Variants in RBCK1 observed in about 807,000 individuals in gnomAD.
RBCK1 encodes ranBP-type and C3HC4-type zinc finger-containing protein 1.
In RBCK1, 44 loss-of-function variants were observed where a neutral mutation model predicts 71.1. The ratio of observed to expected loss-of-function variants is 0.62; its 90% CI spans 0.49 to 0.80. The LOEUF (loss-of-function observed/expected upper bound fraction) is 0.80, where lower values mean the gene tolerates loss of function less well. Among genes scored for constraint, RBCK1 ranks in the 30% least tolerant of loss-of-function variants. The probability of loss-of-function intolerance (pLI) is 0.00; values close to 1 mark genes in which losing one functional copy is unlikely to be tolerated. For missense variants in RBCK1, 569 were observed against 685.0 expected, an observed-to-expected ratio of 0.83 and a Z score of 1.89; for synonymous variants, 306 against 279.7, an observed-to-expected ratio of 1.09 and a Z score of -0.94.
At chr20:424,697 G>T (rs1329752378) in intron 8 of RBCK1, among the ~76,000 whole-genome samples, 1 of 152,180 alleles carries the variant, frequency 6.6e-6, no homozygotes, top group Non-Finnish European at 1.5e-5. Flanking sequence ...ATAGCCATTT[G>T]CTTAGAGGTT....
chr20:423,988 T>A (rs2016574705), intron 8 of RBCK1, among the ~76,000 whole-genome samples: 1 of 152,244 alleles, frequency 6.6e-6, no homozygotes, highest in African/African-American at 2.4e-5. Context: ...AGTGCATGTG[T>A]ACTTTCTAAG....
chr20:419,993 G>A (rs1215961029), intron 6 of RBCK1: 1 of 985,144 alleles, frequency 1.0e-6, no homozygotes, highest in East Asian at 1.1e-4. Flanking sequence ...CACGTGGGCT[G>A]TGGCTCCATC....
In RBCK1 at chr20:430,015, G is replaced by C. The variant is rs148460290; in HGVS notation, c.1453-335G>C. Among the ~76,000 whole-genome samples, 760 of 152,340 alleles carry C rather than the reference G, an allele frequency of 5.0e-3. 4 individuals are homozygous for C. The highest frequency in any genetic ancestry group is 0.017 in the African/African-American group (705 of 41,582). On this transcript the variant is annotated intron_variant, in intron 11 of 11. Transcript: ENST00000356286. The surrounding 1 kb of genome is among the most constrained non-coding windows in gnomAD (Gnocchi z 5.6). ...CAGATGGTAGCTGTCGTTATTAGGGGTGTGCTCTGGAATTGGGGGCCTGTT... is the reference window on the plus strand; with the variant it reads ...CAGATGGTAGCTGTCGTTATTAGGGCTGTGCTCTGGAATTGGGGGCCTGTT...
In RBCK1 at chr20:431,985, C is replaced by T. The variant is rs2017027299; in HGVS notation, c.*1555C>T. Among the ~76,000 whole-genome samples, 1 of 152,254 alleles carries T rather than the reference C, an allele frequency of 6.6e-6. No homozygotes were observed. The highest frequency in any genetic ancestry group is 1.5e-5 in the Non-Finnish European group (1 of 68,046). On this transcript the variant is annotated 3_prime_UTR_variant, in exon 12 of 12. Coordinates refer to ENST00000356286, the MANE Select transcript of RBCK1 (RefSeq NM_031229.4). The surrounding 1 kb of genome is among the most constrained non-coding windows in gnomAD (Gnocchi z 4.8). ...GCCTGGTGTCTCTCAGGAGCCTGGG[C>T]ATGAGACAAAAGCAGAGATTGTTCT...
chr20:418,400 G>A (rs377041529), intron 4 of RBCK1, among the ~76,000 whole-genome samples: 27 of 151,546 alleles, frequency 1.8e-4, no homozygotes, highest in East Asian at 3.9e-4. Flanking sequence ...ACGGAGTCTC[G>A]CTCTGTCGCC....
intron 2 of RBCK1, among the ~76,000 whole-genome samples, chr20:415,355 TGA>T (rs1006330093): frequency 1.5e-5 from 2 of 134,612 alleles, no homozygotes; most frequent in African/African-American, 5.8e-5. Context: ...GTGACAGAAG[TGA>T]GACCCTGTCT....
In RBCK1 at chr20:431,661, G is replaced by A. The variant is rs559459678; in HGVS notation, c.*1231G>A. Among the ~76,000 whole-genome samples, 30 of 152,320 alleles carry A rather than the reference G, an allele frequency of 2.0e-4. No homozygotes were observed. The highest frequency in any genetic ancestry group is 6.0e-4 in the African/African-American group (25 of 41,574). ...AACTGGAAAGGCACTGCCACCTGCC[G>A]TTGGATGCCAGGACTCAAGAGCTGG... On this transcript the variant is annotated 3_prime_UTR_variant, in exon 12 of 12. Coordinates refer to ENST00000356286, the MANE Select transcript of RBCK1 (RefSeq NM_031229.4). This position sits in a 1 kb window ranked among gnomAD's most constrained non-coding sequence, Gnocchi z 4.8.
Position 419,685 on chromosome 20 carries a change from G to A in RBCK1, c.710G>A (p.Arg237Gln), listed in dbSNP as rs770302308. ...PASYQPDEEE[R>Q]ARLAGEEEAL... ...TCATACCAGCCCGACGAGGAGGAGC[G>A]AGCGCGCCTGGCGGGCGAGGAGGAG... Residue 237 changes from arginine (R) to glutamine (Q), a missense_variant, in exon 6 of 12, where the codon CGA becomes CAA. Physicochemically the swap from Arg to Gln is conservative, Grantham distance 43. This residue lies in a region of RBCK1 where 358 missense variants were observed against 375.6 expected (regional missense o/e 0.95). Coordinates refer to ENST00000356286, the MANE Select transcript of RBCK1 (RefSeq NM_031229.4). 2 of 1,576,950 alleles carry A rather than the reference G, an allele frequency of 1.3e-6. No homozygotes were observed. The highest frequency in any genetic ancestry group is 1.1e-5 in the South Asian group (1 of 87,008).
intron 1 of RBCK1, 177 bp from the exon 2 acceptor site, chr20:409,704 A>T: frequency 1.1e-6 from 1 of 923,608 alleles, no homozygotes; most frequent in Non-Finnish European, 1.6e-6. Flanking sequence ...GGGGAATATT[A>T]GAGAACCCCT....
At chr20:418,033 C>T (rs2016103650) in intron 4 of RBCK1, 103 bp downstream of exon 4, 1 of 1,205,494 alleles carries the variant, frequency 8.3e-7, no homozygotes, top group East Asian at 2.6e-5. Flanking sequence ...TAGTCAGGGA[C>T]TCACCCAGAG....
chr20:425,346 A>G (rs1386712242), intron 8 of RBCK1, among the ~76,000 whole-genome samples: 1 of 152,178 alleles, frequency 6.6e-6, no homozygotes, highest in Non-Finnish European at 1.5e-5. Context: ...ACTTAAGTAT[A>G]CTTTGCACAC....
At chr20:427,999 A>C (rs780624754) in intron 9 of RBCK1, among the ~76,000 whole-genome samples, 1 of 151,982 alleles carries the variant, frequency 6.6e-6, no homozygotes, top group Non-Finnish European at 1.5e-5. Context: ...CCAAACCTAG[A>C]CAGCCCTACC....
rs41279382 is a variant in RBCK1 at position 431,089 on chromosome 20, G to A, written c.*659G>A. 130 of 152,604 alleles carry A rather than the reference G, an allele frequency of 8.5e-4. No homozygotes were observed. Among genetic ancestry groups the A allele is most frequent in the Non-Finnish European group, 1.3e-3 (92 of 68,242 alleles). 9.5% of individuals were successfully genotyped at this position (152,604 alleles called of 1,614,324 possible). On this transcript the variant is annotated 3_prime_UTR_variant, in exon 12 of 12. Transcript: ENST00000356286. The surrounding 1 kb of genome is among the most constrained non-coding windows in gnomAD (Gnocchi z 4.8). Reference sequence around the variant, plus strand: ...TTGACTTGTCAGTCCATCTGTGGTAGAATGAGGCTGTGACTGAGCACTGGG... The same window carrying A: ...TTGACTTGTCAGTCCATCTGTGGTAAAATGAGGCTGTGACTGAGCACTGGG...
chr20:429,371 C>T (rs2016905398), intron 11 of RBCK1, among the ~76,000 whole-genome samples: 1 of 152,112 alleles, frequency 6.6e-6, no homozygotes, highest in Admixed American at 6.6e-5. Flanking sequence ...GGATTACAGG[C>T]ATGCGCCACC....
intron 4 of RBCK1, among the ~76,000 whole-genome samples, chr20:418,852 A>G (rs922252039): frequency 3.9e-5 from 6 of 152,236 alleles, no homozygotes; most frequent in Non-Finnish European, 7.3e-5. Context: ...ACTAACGCTG[A>G]TACAGTACTG....
At position 430,486 on chromosome 20, in the gene RBCK1, A is replaced by C; in HGVS notation, c.*56A>C. The C allele has an allele frequency of 1.3e-6, 2 of 1,531,370 alleles. No individual in the cohort carries two copies. Among genetic ancestry groups the C allele is most frequent in the Non-Finnish European group, 1.8e-6 (2 of 1,105,670 alleles). The allele number at this position is 1,531,370 out of a possible 1,614,324, so 94.9% of individuals were successfully genotyped here. A position where few individuals can be genotyped will look rare whatever the true frequency, so the allele number is the denominator to read the frequency against. Reference sequence around the variant, plus strand: ...AGCCCCACATCCACATTCTGTTAGAATGTAGCTCAGGGAGCTTCGTGGACG... The same window carrying C: ...AGCCCCACATCCACATTCTGTTAGACTGTAGCTCAGGGAGCTTCGTGGACG... On this transcript the variant is annotated 3_prime_UTR_variant, in exon 12 of 12. Coordinates refer to ENST00000356286, the MANE Select transcript of RBCK1 (RefSeq NM_031229.4). This position sits in a 1 kb window ranked among gnomAD's most constrained non-coding sequence, Gnocchi z 5.6.
intron 2 of RBCK1, chr20:410,386 C>T (rs767237519): frequency 3.9e-6 from 3 of 778,512 alleles, no homozygotes; most frequent in Non-Finnish European, 7.2e-6. Flanking sequence ...TATTGTTTCT[C>T]TCACCATTCT....
chr20:414,203 G>A lies in RBCK1; in HGVS notation c.168-3323G>A, dbSNP rs148969237. 9.5e-4 allele frequency among the ~76,000 whole-genome samples: 144 copies of A among 152,192 alleles called. No homozygotes were observed. The Middle Eastern group carries it at 0.024, about 25-fold the overall frequency. On this transcript the variant is annotated intron_variant, in intron 2 of 11. Transcript: ENST00000356286. ...TCAGGCAGGAGAATGGCTTGAACTC[G>A]AGTTTAAGACCAGCCTGGGCAACAT...
At chr20:410,566 C>A in intron 2 of RBCK1, 1 of 779,652 alleles carries the variant, frequency 1.3e-6, no homozygotes, top group Admixed American at 1.7e-5. Flanking sequence ...GAACTGATTC[C>A]CACAGCTACA....
Sources: gnomAD v4.1 joint callset for allele counts (sites outside exome capture counted in the v4.1 genomes callset) on GRCh38, gnomAD v4.1.1 for gene constraint, gnomAD v4.1.1 regional missense constraint, Gnocchi (gnomAD v3.1) non-coding constraint, MANE v1.5 for transcripts, NCBI Gene and HGNC (gene_info 2026-07-23, HGNC 2026-07-21) for gene names.